Variants in METTL15 observed in about 807,000 individuals in gnomAD.
METTL15 encodes 12S rRNA N(4)-cytidine methyltransferase METTL15.
A neutral mutation model predicts 38.3 loss-of-function variants in METTL15; 34 were observed. The observed-to-expected ratio is 0.89, with a 90% CI of 0.68 to 1.18. The LOEUF (loss-of-function observed/expected upper bound fraction) is 1.18. Among genes scored for constraint, METTL15 ranks in the 50% most tolerant of loss-of-function variants. The pLI, the probability that METTL15 is intolerant of heterozygous loss-of-function variation, is 0.00. For synonymous variants in METTL15, 162 were observed against 170.9 expected (o/e 0.95, Z 0.41); for missense variants, 438 against 498.4 (o/e 0.88, Z 1.15).
intron 5 of METTL15, among the ~76,000 whole-genome samples, chr11:28,388,138 C>G (rs1175823845): frequency 1.3e-5 from 2 of 152,034 alleles, no homozygotes; most frequent in East Asian, 3.9e-4. Flanking sequence ...ATCTTTTTCT[C>G]TAAGATCAGG....
At chr11:28,450,478 T>C (rs12361975) in intron 6 of METTL15, among the ~76,000 whole-genome samples, 3,940 of 152,334 alleles carry the variant, frequency 0.026, 85 homozygotes, top group Middle Eastern at 0.044. Context: ...AATGATATGA[T>C]GAATGTAAAA....
At chr11:28,210,962 C>G (rs1852610172) in intron 3 of METTL15, 100 bp from the exon 4 acceptor site, 19 of 1,246,786 alleles carry the variant, frequency 1.5e-5, no homozygotes, top group Non-Finnish European at 1.9e-5. Context: ...TATTTACTGT[C>G]AAGTCTGAAA....
chr11:28,301,725 C>T, intron 6 of METTL15, among the ~76,000 whole-genome samples: 1 of 151,916 alleles, frequency 6.6e-6, no homozygotes, highest in African/African-American at 2.4e-5. Flanking sequence ...TTAAATGTGG[C>T]TATAGAAAAA....
At chr11:28,119,248 T>C (rs1852104698) in intron 3 of METTL15, among the ~76,000 whole-genome samples, 1 of 152,204 alleles carries the variant, frequency 6.6e-6, no homozygotes, top group Non-Finnish European at 1.5e-5. Flanking sequence ...TTGCCCTCCA[T>C]GAAGCCATGG....
chr11:28,118,009 T>C (rs368471367), intron 3 of METTL15, among the ~76,000 whole-genome samples: 6 of 152,150 alleles, frequency 3.9e-5, no homozygotes, highest in Admixed American at 3.3e-4. Context: ...TTTTGTTTTT[T>C]TGTTTTTTTT....
At chr11:28,396,453 G>A (rs917538241) in intron 5 of METTL15, among the ~76,000 whole-genome samples, 9 of 150,388 alleles carry the variant, frequency 6.0e-5, no homozygotes, top group African/African-American at 2.2e-4. Flanking sequence ...ACCAATAACA[G>A]ACAGAGAGCC....
intron 4 of METTL15, among the ~76,000 whole-genome samples, chr11:28,359,685 C>G (rs1315748915): frequency 1.3e-5 from 2 of 152,108 alleles, no homozygotes. Context: ...TGACAATGAG[C>G]TGTTTTTCAT....
chr11:28,225,939 G>T (rs1853459669), intron 4 of METTL15, among the ~76,000 whole-genome samples: 1 of 151,756 alleles, frequency 6.6e-6, no homozygotes, highest in South Asian at 2.1e-4. Flanking sequence ...ATTATTCTCT[G>T]GGTTAAGGAT....
At chr11:28,454,145 C>A (rs1426772858) in intron 6 of METTL15, among the ~76,000 whole-genome samples, 1 of 152,174 alleles carries the variant, frequency 6.6e-6, no homozygotes, top group Non-Finnish European at 1.5e-5. Context: ...ATTTCAGAGC[C>A]AGGGACCCCT....
intron 4 of METTL15, among the ~76,000 whole-genome samples, chr11:28,278,939 AC>A (rs1855945138): frequency 1.3e-5 from 2 of 152,020 alleles, no homozygotes; most frequent in South Asian, 4.2e-4. Flanking sequence ...CGATCCTCAC[AC>A]CTCAGCCTCT....
chr11:28,262,893 C>A (rs780889590), intron 4 of METTL15, among the ~76,000 whole-genome samples: 2 of 152,034 alleles, frequency 1.3e-5, no homozygotes, highest in South Asian at 4.1e-4. Context: ...CATGAAGCTT[C>A]AAAACTACAT....
At chr11:28,506,564 T>A (rs1296411417) in intron 6 of METTL15, among the ~76,000 whole-genome samples, 1 of 152,178 alleles carries the variant, frequency 6.6e-6, no homozygotes, top group Admixed American at 6.5e-5. Context: ...TATTTATGCC[T>A]AACCCAAACT....
intron 6 of METTL15, among the ~76,000 whole-genome samples, chr11:28,312,197 A>C (rs568295206): frequency 6.6e-6 from 1 of 152,356 alleles, no homozygotes; most frequent in South Asian, 2.1e-4. Flanking sequence ...GGAATTTGAC[A>C]AGATAATGTG....
chr11:28,235,450 C>G (rs932749392), intron 4 of METTL15, among the ~76,000 whole-genome samples: 43 of 151,954 alleles, frequency 2.8e-4, no homozygotes, highest in African/African-American at 9.9e-4. Context: ...ATGGAATGCT[C>G]TTCCATTTGT....
At chr11:28,126,927 A>G (rs1377972664) in intron 3 of METTL15, among the ~76,000 whole-genome samples, 2 of 152,160 alleles carry the variant, frequency 1.3e-5, no homozygotes, top group African/African-American at 4.8e-5. Flanking sequence ...AATCATAAGG[A>G]CAAAGAATCT....
chr11:28,460,884 C>T (rs1295150443), intron 6 of METTL15, among the ~76,000 whole-genome samples: 1 of 151,984 alleles, frequency 6.6e-6, no homozygotes, highest in South Asian at 2.1e-4. Flanking sequence ...AAAAAGTATA[C>T]GGATAACTTG....
At chr11:28,506,736 CTTTTTTTTT>C (rs71449180) in intron 6 of METTL15, among the ~76,000 whole-genome samples, 47,166 of 110,994 alleles carry the variant, frequency 0.42, 9,144 homozygotes, top group Middle Eastern at 0.55. Context: ...ATCTCAGTCT[CTTTTTTTTT>C]TTTTTTTTTT....
intron 6 of METTL15, among the ~76,000 whole-genome samples, chr11:28,525,751 C>T (rs1251843741): frequency 2.0e-5 from 3 of 152,264 alleles, no homozygotes; most frequent in East Asian, 1.9e-4. Context: ...GGATCCCGCA[C>T]CGGGGCCGCA....
chr11:28,430,499 T>TG (rs1471862526), intron 6 of METTL15, among the ~76,000 whole-genome samples: 2 of 1,858 alleles, frequency 1.1e-3, no homozygotes, highest in Admixed American at 4.3e-3. Context: ...GGGAGGGAGA[T>TG]GGGGGGGTCA....
Sources: gnomAD v4.1 joint callset for allele counts (sites outside exome capture counted in the v4.1 genomes callset) on GRCh38, gnomAD v4.1.1 for gene constraint, MANE v1.5 for transcripts, NCBI Gene and HGNC (gene_info 2026-07-23, HGNC 2026-07-21) for gene names.